The following CACNA1C variants were observed in gnomAD, a reference collection of about 807,000 sequenced individuals.
CACNA1C encodes the protein voltage-dependent L-type calcium channel subunit alpha-1C.
CACNA1C carries 30 observed loss-of-function variants against 229.0 expected under a neutral mutation model. That is an observed-to-expected ratio of 0.13 (90% CI 0.10 to 0.18). The LOEUF (loss-of-function observed/expected upper bound fraction) is 0.18. Among genes scored for constraint, CACNA1C ranks in the 10% least tolerant of loss-of-function variants. The pLI, the probability that CACNA1C is intolerant of heterozygous loss-of-function variation, is 1.00. For synonymous variants in CACNA1C, 1,114 were observed against 1,132.5 expected (o/e 0.98, Z 0.33); for missense variants, 1,658 against 2,845.0 (o/e 0.58, Z 9.49).
chr12:2,302,335 C>A (rs1363281820), intron 3 of CACNA1C, among the ~76,000 whole-genome samples: 1 of 151,814 alleles, frequency 6.6e-6, no homozygotes, highest in Non-Finnish European at 1.5e-5. Flanking sequence ...GCTGTGCCCC[C>A]TGCCACCCCC....
chr12:1,991,434 T>A (rs1377976866), intron 1 of CACNA1C: 3 of 214,088 alleles, frequency 1.4e-5, no homozygotes, highest in Admixed American at 1.1e-4. Context: ...TTATTTTAAA[T>A]TAAAAAATAC....
At chr12:2,060,015 A>G (rs948496190) in intron 1 of CACNA1C, among the ~76,000 whole-genome samples, 3 of 152,194 alleles carry the variant, frequency 2.0e-5, no homozygotes, top group Non-Finnish European at 4.4e-5. Context: ...GGGGAAATCT[A>G]TCATTGGAAA....
At chr12:1,994,445 T>C (rs951487230) in intron 1 of CACNA1C, among the ~76,000 whole-genome samples, 15 of 152,342 alleles carry the variant, frequency 9.8e-5, no homozygotes, top group African/African-American at 2.9e-4. Context: ...AATTTTAAAA[T>C]TGATGGGAGG....
rs370246761 is a variant in CACNA1C, at chr12:2,547,400, A to G, written c.1391-2543A>G. The G allele has an allele frequency of 1.0e-5, 8 of 777,278 alleles. No individual in the cohort carries two copies. In the African/African-American group the frequency reaches 1.2e-4, roughly 12 times the overall value. 48.1% of individuals were successfully genotyped at this position (777,278 alleles called of 1,614,324 possible). A position where few individuals can be genotyped will look rare whatever the true frequency, so the allele number is the denominator to read the frequency against. On this transcript the variant is annotated intron_variant, in intron 9 of 46. Transcript: ENST00000399655. The stretch of plus-strand genomic sequence containing the variant: ...GCCCGTGGCTGACTGCGTGTGCTCT[A>G]TTGATGTCTTGTTCCTGGTTCTTGA...
intron 3 of CACNA1C, among the ~76,000 whole-genome samples, chr12:2,377,915 G>A (rs1051574381): frequency 4.6e-5 from 7 of 152,198 alleles, no homozygotes; most frequent in African/African-American, 1.7e-4. Context: ...GTGAAAGAAG[G>A]TAGGCCTGAG....
chr12:2,163,222 G>A (rs867218754), intron 3 of CACNA1C, among the ~76,000 whole-genome samples: 180 of 123,822 alleles, frequency 1.5e-3, no homozygotes, highest in African/African-American at 4.1e-3. Flanking sequence ...AAAAAAAAAA[G>A]TGACCACTGA....
rs749861354 is a variant in CACNA1C, at chr12:2,602,005, AG to A, written c.2960+49del. 2 of 1,306,230 alleles carry A rather than the reference AG, an allele frequency of 1.5e-6. No individual in the cohort carries two copies. Among genetic ancestry groups the A allele is most frequent in the African/African-American group, 1.5e-5 (1 of 68,928 alleles). 80.9% of individuals were successfully genotyped at this position (1,306,230 alleles called of 1,614,324 possible). On this transcript the variant is annotated intron_variant, in intron 22 of 46. Transcript: ENST00000399655. This position sits in a 1 kb window ranked among gnomAD's most constrained non-coding sequence, Gnocchi z 4.4. ...CCCACGATGGGCCATGCAGCTAGCA[AG>A]GGGTGCCAGAGAGGACAACCAGACC...
At chr12:2,598,108 C>T (rs945791026) in intron 21 of CACNA1C, among the ~76,000 whole-genome samples, 3 of 152,192 alleles carry the variant, frequency 2.0e-5, no homozygotes, top group East Asian at 1.9e-4. Flanking sequence ...AGACTACTGC[C>T]GACCCTCAGT....
intron 29 of CACNA1C, among the ~76,000 whole-genome samples, chr12:2,623,683 AGCCCAGGAAT>A (rs2153517406): frequency 1.3e-5 from 2 of 152,280 alleles, no homozygotes; most frequent in South Asian, 4.2e-4. Context: ...TCCAAATGCT[AGCCCAGGAAT>A]GCCGTGTGCC....
At chr12:2,345,804 A>G (rs1379300211) in intron 3 of CACNA1C, among the ~76,000 whole-genome samples, 1 of 152,212 alleles carries the variant, frequency 6.6e-6, no homozygotes, top group Non-Finnish European at 1.5e-5. Flanking sequence ...AGCCGTGATC[A>G]TCTGTCCCTG....
chr12:2,172,822 C>T (rs2096536006), intron 3 of CACNA1C, among the ~76,000 whole-genome samples: 1 of 152,126 alleles, frequency 6.6e-6, no homozygotes, highest in Non-Finnish European at 1.5e-5. Context: ...ATAGACTTAC[C>T]CTGATGGACC....
intron 3 of CACNA1C, among the ~76,000 whole-genome samples, chr12:2,230,637 G>A (rs1178631452): frequency 2.0e-5 from 3 of 152,232 alleles, no homozygotes; most frequent in Non-Finnish European, 4.4e-5. Flanking sequence ...CACTAACGGT[G>A]GGAGGCCTGG....
chr12:2,124,109 CGTGTGTGTGTGTGTGTGTGTGT>C (rs36202591), intron 3 of CACNA1C, among the ~76,000 whole-genome samples: 1 of 145,512 alleles, frequency 6.9e-6, no homozygotes, highest in Non-Finnish European at 1.5e-5. Context: ...TGGTCTAGCT[CGTGTGTGTGTGTGTGTGTGTGT>C]GTGTGTGTGT....
At chr12:2,519,113 T>A (rs976101866) in intron 9 of CACNA1C, among the ~76,000 whole-genome samples, 2 of 152,164 alleles carry the variant, frequency 1.3e-5, no homozygotes, top group Admixed American at 6.5e-5. Flanking sequence ...TGTCCCTCTG[T>A]CCCCCTAGCT....
Position 2,679,815 on chromosome 12 carries a change from A to G in CACNA1C, c.5444+19A>G. ...CCAACAGGTAAGTGGGAGGCTGGCC[A>G]CCCCAGGCGGCACACAGGGCCCACG... On this transcript the variant is annotated intron_variant, in intron 42 of 46. Transcript: ENST00000399655. The surrounding 1 kb of genome is among the most constrained non-coding windows in gnomAD (Gnocchi z 5.5). 1.3e-6 allele frequency: 2 copies of G among 1,507,558 alleles called. No individual in the cohort carries two copies. The highest frequency in any genetic ancestry group is 9.0e-7 in the Non-Finnish European group (1 of 1,112,192). The allele number at this position is 1,507,558 out of a possible 1,614,324, so 93.4% of individuals were successfully genotyped here.
rs79091289 is a variant in CACNA1C at position 2,108,844 on chromosome 12, G to T, written c.50-6380G>T. Among the ~76,000 whole-genome samples the T allele has an allele frequency of 6.6e-6, 1 of 152,176 alleles. No homozygotes were observed. Among genetic ancestry groups the T allele is most frequent in the Non-Finnish European group, 1.5e-5 (1 of 68,032 alleles). On this transcript the variant is annotated intron_variant, in intron 1 of 46. Coordinates refer to ENST00000399655, the MANE Select transcript of CACNA1C (RefSeq NM_000719.7). This position sits in a 1 kb window ranked among gnomAD's most constrained non-coding sequence, Gnocchi z 5.3. ...TTTCTAGTCATTGGGCCTTTAGTGG[G>T]TGGAGAAAGTCCGGTTTCTGTTCCA...
At chr12:2,648,888 G>T (rs1293416148) in intron 31 of CACNA1C, among the ~76,000 whole-genome samples, 1 of 152,160 alleles carries the variant, frequency 6.6e-6, no homozygotes, top group East Asian at 1.9e-4. Context: ...GAGAGCCATG[G>T]TAGGGCTCCA....
rs12370782 is a variant in CACNA1C, at chr12:2,238,052, A to G, written c.477+117622A>G. On this transcript the variant is annotated intron_variant, in intron 3 of 46. Coordinates refer to ENST00000399655, the MANE Select transcript of CACNA1C (RefSeq NM_000719.7). ...CTTTAAGGAGGTTTGTTTAAAAGCC[A>G]AACAATCCCACGGGTGGCAGAGACT... Among the ~76,000 whole-genome samples, 1,002 of 152,336 alleles carry G rather than the reference A, an allele frequency of 6.6e-3. 5 individuals carry two copies. The highest frequency in any genetic ancestry group is 8.5e-3 in the Non-Finnish European group (579 of 68,030).
intron 1 of CACNA1C, among the ~76,000 whole-genome samples, chr12:2,090,077 A>T (rs1189920052): frequency 6.6e-6 from 1 of 150,804 alleles, no homozygotes; most frequent in Non-Finnish European, 1.5e-5. Context: ...CCATTAAACA[A>T]CTCCCCATTT....
Sources: gnomAD v4.1 joint callset for allele counts (sites outside exome capture counted in the v4.1 genomes callset) on GRCh38, gnomAD v4.1.1 for gene constraint, Gnocchi (gnomAD v3.1) non-coding constraint, MANE v1.5 for transcripts, NCBI Gene and HGNC (gene_info 2026-07-23, HGNC 2026-07-21) for gene names.